The following KLF12 variants were observed in gnomAD, a reference collection of about 807,000 sequenced individuals.
KLF12 encodes Krueppel-like factor 12.
KLF12 carries 9 observed loss-of-function variants against 37.8 expected under a neutral mutation model. The observed-to-expected ratio is 0.24, with a 90% confidence interval of 0.14 to 0.42. The LOEUF (loss-of-function observed/expected upper bound fraction) is 0.42. KLF12 is among the 10% of genes least tolerant of loss of function. The pLI is 1.00. For synonymous variants in KLF12, 208 were observed against 202.1 expected, an observed-to-expected ratio of 1.03 and a Z score of -0.25; for missense variants, 411 against 516.0, an observed-to-expected ratio of 0.80 and a Z score of 1.97.
At chr13:73,910,939 C>T (rs910306257) in intron 3 of KLF12, among the ~76,000 whole-genome samples, 2 of 152,148 alleles carry the variant, frequency 1.3e-5, no homozygotes, top group African/African-American at 4.8e-5. Context: ...CACCATGTAA[C>T]ACTCTATGTC....
the KLF12 span, among the ~76,000 whole-genome samples, chr13:74,195,462 G>A: frequency 2.0e-5 from 3 of 152,128 alleles, no homozygotes; most frequent in African/African-American, 7.2e-5. Context: ...CAGGGAAAGG[G>A]GTCCTCATGC....
In KLF12 at chr13:73,994,926, T is replaced by C. The variant is rs181243936; in HGVS notation, c.33+64A>G. Reference sequence around the variant, plus strand: ...AGAAGGTACTCTAATGAGAATAAACTGCCCAAAAGTAATGCTCAAAGTAGC... The same window carrying C: ...AGAAGGTACTCTAATGAGAATAAACCGCCCAAAAGTAATGCTCAAAGTAGC... On this transcript the variant is annotated intron_variant, in intron 2 of 7. Transcript: ENST00000377669. 44 of 1,102,880 alleles carry C rather than the reference T, an allele frequency of 4.0e-5. No individual in the cohort carries two copies. The African/African-American group carries it at 6.5e-4, about 16-fold the overall frequency. The allele number at this position is 1,102,880 out of a possible 1,614,324, so 68.3% of individuals were successfully genotyped here.
the KLF12 span, among the ~76,000 whole-genome samples, chr13:74,292,198 T>A: frequency 2.6e-5 from 4 of 152,200 alleles, no homozygotes; most frequent in East Asian, 3.8e-4. Context: ...TCAAGAGCTC[T>A]CTCTCTAGTA....
At chr13:74,253,121 G>A in the KLF12 span, among the ~76,000 whole-genome samples, 1 of 151,988 alleles carries the variant, frequency 6.6e-6, no homozygotes, top group African/African-American at 2.4e-5. Flanking sequence ...TTCATCATCT[G>A]TATTTCTAGA....
At chr13:73,867,592 C>A (rs1886239944) in intron 3 of KLF12, among the ~76,000 whole-genome samples, 1 of 120,066 alleles carries the variant, frequency 8.3e-6, no homozygotes, top group African/African-American at 3.0e-5. Context: ...GTTAGCAGGG[C>A]TATAGAAGAC....
At chr13:74,126,778 C>T (rs1877965594) in intron 1 of KLF12, among the ~76,000 whole-genome samples, 2 of 152,148 alleles carry the variant, frequency 1.3e-5, no homozygotes, top group African/African-American at 4.8e-5. Context: ...GTTCGTAAGT[C>T]AAAATCCAGT....
the KLF12 span, among the ~76,000 whole-genome samples, chr13:74,301,363 A>G: frequency 2.6e-5 from 4 of 152,184 alleles, no homozygotes; most frequent in African/African-American, 9.6e-5. Flanking sequence ...CATAATTTCC[A>G]TGATGACAGT....
chr13:73,924,013 T>G (rs895930902), intron 3 of KLF12, among the ~76,000 whole-genome samples: 1 of 152,194 alleles, frequency 6.6e-6, no homozygotes, highest in Non-Finnish European at 1.5e-5. Context: ...TTGGGAAAAA[T>G]GATGATCACA....
chr13:73,738,596 C>T (rs1440341438), intron 6 of KLF12, among the ~76,000 whole-genome samples: 1 of 152,048 alleles, frequency 6.6e-6, no homozygotes, highest in Non-Finnish European at 1.5e-5. Context: ...AAAACAACAA[C>T]AAAAGTCAGG....
the KLF12 span, among the ~76,000 whole-genome samples, chr13:74,226,468 A>C: frequency 8.5e-5 from 13 of 152,168 alleles, no homozygotes; most frequent in Non-Finnish European, 1.5e-4. Context: ...AGTTTGTGGG[A>C]CATCCATGTG....
chr13:73,872,235 C>T (rs1482008817), intron 3 of KLF12, among the ~76,000 whole-genome samples: 1 of 152,206 alleles, frequency 6.6e-6, no homozygotes, highest in Non-Finnish European at 1.5e-5. Context: ...ATTTAATCTA[C>T]ACACCTACAT....
At chr13:74,087,908 A>C (rs1233098614) in intron 1 of KLF12, among the ~76,000 whole-genome samples, 1 of 152,178 alleles carries the variant, frequency 6.6e-6, no homozygotes, top group Non-Finnish European at 1.5e-5. Context: ...AGCAGAAAAG[A>C]AGGAACTGCC....
At chr13:73,982,070 A>T (rs1365545493) in intron 2 of KLF12, among the ~76,000 whole-genome samples, 2 of 152,224 alleles carry the variant, frequency 1.3e-5, no homozygotes, top group Non-Finnish European at 2.9e-5. Flanking sequence ...TTAATAAATT[A>T]TCTCCCCTGT....
chr13:73,953,318 TA>T (rs200131222), intron 2 of KLF12, among the ~76,000 whole-genome samples: 9,110 of 147,322 alleles, frequency 0.062, 820 homozygotes, highest in African/African-American at 0.2. Context: ...TGGTTAAAAT[TA>T]AAAAAAAAAA....
At chr13:74,012,478 C>T (rs549769732) in intron 1 of KLF12, among the ~76,000 whole-genome samples, 29 of 152,278 alleles carry the variant, frequency 1.9e-4, no homozygotes, top group Middle Eastern at 3.4e-3. Context: ...TATTTTATAT[C>T]ACATCCCTGC....
At chr13:74,060,000 CA>C (rs1489286206) in intron 1 of KLF12, among the ~76,000 whole-genome samples, 33 of 152,168 alleles carry the variant, frequency 2.2e-4, no homozygotes, top group African/African-American at 7.7e-4. Context: ...TTCCTAGCAC[CA>C]TTTGTTGAAT....
chr13:73,728,024 A>G (rs1326214999), intron 6 of KLF12, among the ~76,000 whole-genome samples: 1 of 152,206 alleles, frequency 6.6e-6, no homozygotes, highest in Non-Finnish European at 1.5e-5. Context: ...AAGAAAATGC[A>G]GCTGAAATTT....
chr13:73,982,933 C>A (rs1382817694), intron 2 of KLF12, among the ~76,000 whole-genome samples: 7 of 151,722 alleles, frequency 4.6e-5, no homozygotes, highest in Non-Finnish European at 8.8e-5. Flanking sequence ...CACATATAAT[C>A]ATACTCTTTA....
At chr13:74,027,376 G>C (rs910359078) in intron 1 of KLF12, among the ~76,000 whole-genome samples, 1 of 152,058 alleles carries the variant, frequency 6.6e-6, no homozygotes, top group South Asian at 2.1e-4. Flanking sequence ...CCCACTTCGC[G>C]ATGTCTGTTC....
Sources: allele counts gnomAD v4.1 joint callset (sites outside exome capture counted in the v4.1 genomes callset), GRCh38; gene constraint gnomAD v4.1.1; transcripts MANE v1.5; gene names NCBI Gene and HGNC (gene_info 2026-07-23, HGNC 2026-07-21).